LYPLAL1: variants seen among roughly 807,000 people sequenced by gnomAD.
The protein encoded by LYPLAL1 is lysophospholipase like 1.
LYPLAL1 carries 23 observed loss-of-function variants against 19.7 expected under a neutral mutation model. The ratio of observed to expected loss-of-function variants is 1.17; its 90% CI spans 0.84 to 1.65. The LOEUF is 1.65. Ranked by LOEUF, LYPLAL1 falls within the 40% of genes most tolerant of loss-of-function variation. The probability of loss-of-function intolerance (pLI) is 0.00; values close to 1 mark genes in which losing one functional copy is unlikely to be tolerated. For missense variants in LYPLAL1, 355 were observed against 279.4 expected (o/e 1.27, Z -1.93); for synonymous variants, 119 against 96.3 (o/e 1.24, Z -1.38).
chr1:219,386,746 C>A, the LYPLAL1 span, among the ~76,000 whole-genome samples: 4 of 152,320 alleles, frequency 2.6e-5, no homozygotes, highest in South Asian at 8.3e-4. Flanking sequence ...AATCTGCCCC[C>A]TTTCTTGTGT....
the LYPLAL1 span, among the ~76,000 whole-genome samples, chr1:219,317,330 T>C: frequency 0.02 from 3,099 of 152,306 alleles, 161 homozygotes; most frequent in Admixed American, 0.12. Flanking sequence ...TAAATAGCTA[T>C]ATTCCATTCA....
chr1:219,309,053 A>G, the LYPLAL1 span, among the ~76,000 whole-genome samples: 1 of 152,168 alleles, frequency 6.6e-6, no homozygotes, highest in Non-Finnish European at 1.5e-5. Context: ...GACCATGGGA[A>G]CCCACCTCTT....
At chr1:219,334,526 GGTGTGTGTGTGTGT>G in the LYPLAL1 span, among the ~76,000 whole-genome samples, 18 of 147,148 alleles carry the variant, frequency 1.2e-4, no homozygotes, top group African/African-American at 3.2e-4. Context: ...AATGAAGAGG[GGTGTGTGTGTGTGT>G]GTGTGTGTGT....
At chr1:219,202,641 T>C (rs1658208510) in intron 3 of LYPLAL1, among the ~76,000 whole-genome samples, 1 of 152,176 alleles carries the variant, frequency 6.6e-6, no homozygotes, top group African/African-American at 2.4e-5. Flanking sequence ...TCCAAACAAT[T>C]TTTATTAAGC....
At chr1:219,227,555 T>C in the LYPLAL1 span, among the ~76,000 whole-genome samples, 109 of 152,306 alleles carry the variant, frequency 7.2e-4, 1 homozygote, top group Non-Finnish European at 1.4e-3. Context: ...TGTGTCCCAT[T>C]TGGGGAAGGA....
At chr1:219,420,129 C>A in the LYPLAL1 span, among the ~76,000 whole-genome samples, 1 of 152,118 alleles carries the variant, frequency 6.6e-6, no homozygotes, top group East Asian at 1.9e-4. Context: ...GGGCAAAGCC[C>A]CTGAGGAAAG....
the LYPLAL1 span, among the ~76,000 whole-genome samples, chr1:219,354,236 G>A: frequency 2.0e-5 from 3 of 152,050 alleles, no homozygotes; most frequent in South Asian, 2.1e-4. Flanking sequence ...TTGCTCTGTC[G>A]CCCAGGCTAG....
chr1:219,430,134 A>G, the LYPLAL1 span, among the ~76,000 whole-genome samples: 67,870 of 151,644 alleles, frequency 0.45, 15,480 homozygotes, highest in African/African-American at 0.48. Context: ...TCTTTACCAA[A>G]ACTAGAAAAA....
At chr1:219,285,642 C>A in the LYPLAL1 span, among the ~76,000 whole-genome samples, 1 of 152,110 alleles carries the variant, frequency 6.6e-6, no homozygotes, top group African/African-American at 2.4e-5. Context: ...TGTATGATTC[C>A]ATTTATGTGA....
the LYPLAL1 span, among the ~76,000 whole-genome samples, chr1:219,406,279 G>A: frequency 6.6e-6 from 1 of 152,182 alleles, no homozygotes; most frequent in Admixed American, 6.5e-5. Context: ...GGAAAGGGAA[G>A]CTTTGAAACT....
chr1:219,284,671 CACA>C, the LYPLAL1 span, among the ~76,000 whole-genome samples: 628 of 152,300 alleles, frequency 4.1e-3, 3 homozygotes, highest in Non-Finnish European at 7.4e-3. Context: ...AATTTAATTT[CACA>C]ACAACTCTAT....
chr1:219,385,850 T>A, the LYPLAL1 span, among the ~76,000 whole-genome samples: 1 of 152,122 alleles, frequency 6.6e-6, no homozygotes, highest in Non-Finnish European at 1.5e-5. Context: ...CAGAGAGAAA[T>A]ATAATTGCTT....
chr1:219,396,718 G>C, the LYPLAL1 span, among the ~76,000 whole-genome samples: 1 of 152,044 alleles, frequency 6.6e-6, no homozygotes, highest in Non-Finnish European at 1.5e-5. Flanking sequence ...TTCTGATTTT[G>C]CTCCCCCCTT....
At chr1:219,206,491 A>T (rs1006590364) in intron 3 of LYPLAL1, among the ~76,000 whole-genome samples, 13 of 152,088 alleles carry the variant, frequency 8.5e-5, no homozygotes, top group Non-Finnish European at 1.5e-4. Context: ...GTAGTGTCCT[A>T]TGCTAAAGGT....
the LYPLAL1 span, among the ~76,000 whole-genome samples, chr1:219,423,065 A>G: frequency 6.6e-6 from 1 of 151,946 alleles, no homozygotes; most frequent in Non-Finnish European, 1.5e-5. Flanking sequence ...AGCAGTCTAA[A>G]TTTTTCCCAC....
At chr1:219,425,411 T>C in the LYPLAL1 span, among the ~76,000 whole-genome samples, 1 of 152,346 alleles carries the variant, frequency 6.6e-6, no homozygotes, top group East Asian at 1.9e-4. Flanking sequence ...ATTCAAAATA[T>C]AAGCAGTAAG....
the LYPLAL1 span, among the ~76,000 whole-genome samples, chr1:219,325,271 T>C: frequency 6.6e-5 from 10 of 152,210 alleles, no homozygotes; most frequent in Non-Finnish European, 1.3e-4. Context: ...CCACAAACAC[T>C]TGTACTACAA....
the LYPLAL1 span, among the ~76,000 whole-genome samples, chr1:219,236,161 A>G: frequency 6.6e-6 from 1 of 152,228 alleles, no homozygotes; most frequent in African/African-American, 2.4e-5. Flanking sequence ...TCTGGATTCT[A>G]TACATTTAGG....
At chr1:219,358,784 A>G in the LYPLAL1 span, among the ~76,000 whole-genome samples, 1 of 152,146 alleles carries the variant, frequency 6.6e-6, no homozygotes, top group Non-Finnish European at 1.5e-5. Flanking sequence ...GAGCCAAATC[A>G]TATCAAGTAT....
Sources: allele counts gnomAD v4.1 joint callset (sites outside exome capture counted in the v4.1 genomes callset), GRCh38; gene constraint gnomAD v4.1.1; transcripts MANE v1.5; gene names NCBI Gene and HGNC (gene_info 2026-07-23, HGNC 2026-07-21).